ROBO1: variants seen among roughly 807,000 people sequenced by gnomAD.
ROBO1 encodes roundabout guidance receptor 1, also known as roundabout homolog 1.
ROBO1 carries 149 observed loss-of-function variants against 195.9 expected under a neutral mutation model. That is an observed-to-expected ratio of 0.76 (90% CI 0.67 to 0.87). The LOEUF is 0.87. ROBO1 is among the 40% of genes least tolerant of loss of function. The pLI, the probability that ROBO1 is intolerant of heterozygous loss-of-function variation, is 0.00. For missense variants in ROBO1, 1,933 were observed against 2,068.3 expected (o/e 0.93, Z 1.27); for synonymous variants, 816 against 733.2 (o/e 1.11, Z -1.82).
chr3:78,912,023 C>G (rs2038273674), intron 4 of ROBO1, among the ~76,000 whole-genome samples: 2 of 151,908 alleles, frequency 1.3e-5, no homozygotes, highest in Admixed American at 1.3e-4. Context: ...TGGTAATGAA[C>G]TAATAATTCC....
At chr3:79,610,551 T>C (rs12634792) in intron 1 of ROBO1, among the ~76,000 whole-genome samples, 86,713 of 151,764 alleles carry the variant, frequency 0.57, 26,215 homozygotes, top group East Asian at 0.89. Context: ...AAAACAAATA[T>C]TATATTCAAA....
At chr3:78,626,613 T>C (rs1704797179) in intron 26 of ROBO1, among the ~76,000 whole-genome samples, 3 of 152,054 alleles carry the variant, frequency 2.0e-5, no homozygotes, top group Non-Finnish European at 4.4e-5. Flanking sequence ...TCATCAACAA[T>C]GAGAGAAGAG....
intron 2 of ROBO1, among the ~76,000 whole-genome samples, chr3:79,374,305 A>C (rs1321288599): frequency 6.6e-6 from 1 of 152,084 alleles, no homozygotes; most frequent in Non-Finnish European, 1.5e-5. Context: ...AGACACCTGG[A>C]TAGAAAATAT....
In ROBO1 at chr3:79,089,757, T is replaced by C. The variant is rs141584450; in HGVS notation, c.172+35699A>G. Among the ~76,000 whole-genome samples the C allele has an allele frequency of 7.0e-4, 107 of 152,260 alleles. 1 individual carries two copies. The highest frequency in any genetic ancestry group is 3.4e-3 in the Middle Eastern group (1 of 294). On this transcript the variant is annotated intron_variant, in intron 3 of 30. Transcript: ENST00000464233. ...ATTGTATTTATTCTCATTTATTTGG[T>C]TGTGAAATAGATGAACGCATTTGCA...
chr3:79,250,249 T>G (rs959121331), intron 2 of ROBO1, among the ~76,000 whole-genome samples: 1 of 152,206 alleles, frequency 6.6e-6, no homozygotes, highest in African/African-American at 2.4e-5. Flanking sequence ...GTCACTATTT[T>G]TAAAGAATTC....
At chr3:79,281,710 C>A (rs2031519522) in intron 2 of ROBO1, among the ~76,000 whole-genome samples, 1 of 152,012 alleles carries the variant, frequency 6.6e-6, no homozygotes. Context: ...ATTCAACTTT[C>A]CACAGTTGAG....
chr3:79,675,234 GT>G (rs11310832), intron 1 of ROBO1, among the ~76,000 whole-genome samples: 46,758 of 151,526 alleles, frequency 0.31, 8,716 homozygotes, highest in African/African-American at 0.53. Context: ...AATTGATTGT[GT>G]TTTTTTTATT....
At chr3:79,509,315 G>C (rs1390003804) in intron 2 of ROBO1, among the ~76,000 whole-genome samples, 1 of 151,606 alleles carries the variant, frequency 6.6e-6, no homozygotes, top group East Asian at 1.9e-4. Context: ...AATCACATTT[G>C]CTGTAGTTTA....
intron 2 of ROBO1, among the ~76,000 whole-genome samples, chr3:79,405,772 A>G (rs1302335751): frequency 6.6e-6 from 1 of 152,174 alleles, no homozygotes; most frequent in African/African-American, 2.4e-5. Context: ...AGAGATTTCT[A>G]AAAAATACGT....
intron 3 of ROBO1, among the ~76,000 whole-genome samples, chr3:79,002,376 T>G (rs2077524981): frequency 6.6e-6 from 1 of 152,174 alleles, no homozygotes; most frequent in Admixed American, 6.6e-5. Context: ...AATAGTCCAA[T>G]ATTTTGCTGC....
intron 1 of ROBO1, among the ~76,000 whole-genome samples, chr3:79,593,948 G>C (rs765256534): frequency 1.3e-5 from 2 of 151,772 alleles, no homozygotes; most frequent in Non-Finnish European, 2.9e-5. Flanking sequence ...TGTATGTTTT[G>C]AATAACAGTA....
chr3:79,484,240 G>A (rs1200712106), intron 2 of ROBO1, among the ~76,000 whole-genome samples: 1 of 152,130 alleles, frequency 6.6e-6, no homozygotes, highest in Non-Finnish European at 1.5e-5. Context: ...TGAGGTGCTA[G>A]ACTGTACATT....
chr3:78,666,907 C>T (rs1361271835), intron 14 of ROBO1, among the ~76,000 whole-genome samples: 2 of 151,818 alleles, frequency 1.3e-5, no homozygotes, highest in African/African-American at 4.8e-5. Flanking sequence ...CCTTTGTTCC[C>T]TTAAGATAGA....
intron 2 of ROBO1, among the ~76,000 whole-genome samples, chr3:79,311,574 T>C (rs2033485240): frequency 6.6e-6 from 1 of 152,134 alleles, no homozygotes; most frequent in African/African-American, 2.4e-5. Context: ...GACATAGAGA[T>C]CTAGGTCCTA....
intron 2 of ROBO1, among the ~76,000 whole-genome samples, chr3:79,159,152 G>A (rs1034555024): frequency 2.6e-5 from 4 of 151,898 alleles, no homozygotes; most frequent in African/African-American, 4.8e-5. Context: ...AAGAGCTAAC[G>A]CATCTTAGCT....
intron 1 of ROBO1, among the ~76,000 whole-genome samples, chr3:79,737,016 AT>A (rs1703420874): frequency 6.6e-6 from 1 of 152,184 alleles, no homozygotes; most frequent in African/African-American, 2.4e-5. Context: ...TTGCTCAGTA[AT>A]TCAAAACCAC....
chr3:78,847,070 T>C (rs1397824266), intron 4 of ROBO1, among the ~76,000 whole-genome samples: 2 of 151,952 alleles, frequency 1.3e-5, no homozygotes, highest in Non-Finnish European at 1.5e-5. Flanking sequence ...AATCCTTAAA[T>C]AGAACAGGGA....
At chr3:79,120,080 T>C (rs1235514063) in intron 3 of ROBO1, among the ~76,000 whole-genome samples, 2 of 152,084 alleles carry the variant, frequency 1.3e-5, no homozygotes, top group South Asian at 2.1e-4. Context: ...CTGTGATTCA[T>C]GGTTTTGATC....
intron 2 of ROBO1, among the ~76,000 whole-genome samples, chr3:79,555,344 C>A (rs9882958): frequency 2.0e-5 from 3 of 151,744 alleles, no homozygotes; most frequent in African/African-American, 7.3e-5. Context: ...GGAAAGTTAC[C>A]GATTCCTGAG....
Sources: gnomAD v4.1 joint callset for allele counts (sites outside exome capture counted in the v4.1 genomes callset) on GRCh38, gnomAD v4.1.1 for gene constraint, MANE v1.5 for transcripts, NCBI Gene and HGNC (gene_info 2026-07-23, HGNC 2026-07-21) for gene names.